FOCAD: variants seen among roughly 807,000 people sequenced by gnomAD.
FOCAD encodes KIAA1797.
Under a neutral mutation model 225.6 loss-of-function variants are expected in FOCAD, and 198 were observed. The observed-to-expected ratio is 0.88, with a 90% CI of 0.78 to 0.99. FOCAD has a LOEUF of 0.99. Among genes scored for constraint, FOCAD ranks in the 50% least tolerant of loss-of-function variants. The pLI is 0.00. For missense variants in FOCAD, 2,713 were observed against 2,123.6 expected (o/e 1.28, Z -5.46); for synonymous variants, 897 against 755.0 (o/e 1.19, Z -3.08).
intron 5 of FOCAD, among the ~76,000 whole-genome samples, chr9:20,742,967 A>G (rs1465914397): frequency 6.6e-6 from 1 of 152,168 alleles, no homozygotes; most frequent in African/African-American, 2.4e-5. Flanking sequence ...GCCGTTTAGC[A>G]CTATAAATCA....
intron 36 of FOCAD, among the ~76,000 whole-genome samples, chr9:20,977,859 T>C (rs1173569278): frequency 6.6e-6 from 1 of 152,222 alleles, no homozygotes; most frequent in African/African-American, 2.4e-5. Context: ...TGTTTGTGTT[T>C]CATTTAAGTC....
Position 20,764,854 on chromosome 9 carries a change from T to C in FOCAD, c.495-15T>C. ...TTTAACTCAATAACTGGCTAATGTA[T>C]TTCATGTCTTATAGGTTAGAAGTTT... On this transcript the variant is annotated splice_polypyrimidine_tract_variant and intron_variant, in intron 6 of 43. Coordinates refer to ENST00000338382, the MANE Select transcript of FOCAD (RefSeq NM_001375567.1). 6.2e-7 allele frequency: 1 copy of C among 1,606,610 alleles called. No individual in the cohort carries two copies.
intron 26 of FOCAD, among the ~76,000 whole-genome samples, chr9:20,927,037 T>A (rs371395733): frequency 7.1e-6 from 1 of 141,558 alleles, no homozygotes; most frequent in Admixed American, 7.1e-5. Context: ...TATATATATA[T>A]AAAAGAAATA....
chr9:20,695,462 A>G (rs1456830428), intron 1 of FOCAD, among the ~76,000 whole-genome samples: 1 of 152,194 alleles, frequency 6.6e-6, no homozygotes, highest in Non-Finnish European at 1.5e-5. Context: ...TAAGCCCGTA[A>G]ACATGCTTTC....
intron 21 of FOCAD, among the ~76,000 whole-genome samples, chr9:20,890,461 G>A (rs143128334): frequency 2.3e-4 from 34 of 149,612 alleles, no homozygotes; most frequent in African/African-American, 7.4e-4. Context: ...TTTAAAATTT[G>A]TTGATATGAT....
chr9:20,765,304 C>T, intron 7 of FOCAD, among the ~76,000 whole-genome samples: 1 of 152,098 alleles, frequency 6.6e-6, no homozygotes, highest in East Asian at 1.9e-4. Flanking sequence ...TCGACATAGT[C>T]CATTCTGGGA....
intron 4 of FOCAD, among the ~76,000 whole-genome samples, chr9:20,720,946 T>C (rs1481179466): frequency 6.6e-6 from 1 of 152,252 alleles, no homozygotes; most frequent in Admixed American, 6.5e-5. Context: ...TAGAAAATAA[T>C]GGCATTTATT....
At chr9:20,947,812 C>T (rs573082833) in intron 30 of FOCAD, among the ~76,000 whole-genome samples, 14 of 152,018 alleles carry the variant, frequency 9.2e-5, no homozygotes, top group African/African-American at 2.7e-4. Context: ...GTAATGTTAT[C>T]GTTACTGTTT....
At chr9:20,770,995 A>G (rs1818164480) in intron 8 of FOCAD, among the ~76,000 whole-genome samples, 3 of 152,188 alleles carry the variant, frequency 2.0e-5, no homozygotes, top group African/African-American at 7.2e-5. Context: ...ATTATAGTAC[A>G]ATAAGAGAAA....
At chr9:20,717,021 A>G (rs12683110) in intron 2 of FOCAD, among the ~76,000 whole-genome samples, 48,907 of 152,080 alleles carry the variant, frequency 0.32, 8,367 homozygotes, top group South Asian at 0.48. Flanking sequence ...CAGGAGCTCA[A>G]CCTATCCATG....
chr9:20,740,273 C>A lies in FOCAD; in HGVS notation c.325C>A (p.Leu109Ile), dbSNP rs142542466. 1,718 of 1,611,708 alleles carry A rather than the reference C, an allele frequency of 1.1e-3. 3 individuals carry two copies. Among genetic ancestry groups the A allele is most frequent in the Non-Finnish European group, 1.4e-3 (1,646 of 1,178,432 alleles). ...CTTGATAAAAGCCATTATGCACTTA[C>A]TACAAATGCAAGCTCTTAAGGAAGG... ...HGLIKAIMHL[L>I]QMQALKEGQG... Residue 109 changes from leucine to isoleucine, a missense_variant, in exon 5 of 44, where the codon CTA becomes ATA. Coordinates refer to ENST00000338382, the MANE Select transcript of FOCAD (RefSeq NM_001375567.1).
chr9:20,936,839 A>G (rs938129855), intron 28 of FOCAD, among the ~76,000 whole-genome samples: 2 of 152,210 alleles, frequency 1.3e-5, no homozygotes, highest in African/African-American at 4.8e-5. Context: ...CCATCGTGTC[A>G]GCCCAAAATC....
intron 15 of FOCAD, among the ~76,000 whole-genome samples, chr9:20,840,857 C>T (rs910427183): frequency 2.6e-5 from 4 of 151,882 alleles, no homozygotes; most frequent in Non-Finnish European, 5.9e-5. Flanking sequence ...AGCTGTGGGT[C>T]TGTCTTACGT....
rs1358945273 is a variant in FOCAD, at chr9:20,981,420, T to C, written c.4378-6T>C. 1 of 1,613,542 alleles carries C rather than the reference T, an allele frequency of 6.2e-7. No homozygotes were observed. Among genetic ancestry groups the C allele is most frequent in the Non-Finnish European group, 8.5e-7 (1 of 1,179,522 alleles). ...TTACATTCAACCCCTTCTGTTTTAC[T>C]TCCAGCTGAATACCAAGAGATATCT... On this transcript the variant is annotated splice_region_variant and splice_polypyrimidine_tract_variant and intron_variant, in intron 37 of 43. Transcript: ENST00000338382.
chr9:20,864,173 G>T (rs1460874657), intron 16 of FOCAD, among the ~76,000 whole-genome samples: 2 of 152,006 alleles, frequency 1.3e-5, no homozygotes, highest in Non-Finnish European at 2.9e-5. Flanking sequence ...TAGATAATTG[G>T]TTTTTTAACT....
rs564933177 is a variant in FOCAD, at chr9:20,724,515, A to G, written c.287+3981A>G. ...ATTGTCTAAATTGTCATCCACAGGG[A>G]GATATAGACAGAATAGATGCTGAAG... On this transcript the variant is annotated intron_variant, in intron 4 of 43. Coordinates refer to ENST00000338382, the MANE Select transcript of FOCAD (RefSeq NM_001375567.1). 7.2e-5 allele frequency among the ~76,000 whole-genome samples: 11 copies of G among 152,318 alleles called. No individual in the cohort carries two copies. The South Asian group carries it at 2.1e-3, about 29-fold the overall frequency.
chr9:20,776,110 C>T (rs118178650), intron 8 of FOCAD, among the ~76,000 whole-genome samples: 1,939 of 152,250 alleles, frequency 0.013, 14 homozygotes, highest in Non-Finnish European at 0.02. Flanking sequence ...CAGGCATCAT[C>T]AAGTAGGCTA....
chr9:20,970,967 G>GTT (rs1839711076), intron 35 of FOCAD, among the ~76,000 whole-genome samples: 1 of 152,152 alleles, frequency 6.6e-6, no homozygotes, highest in Non-Finnish European at 1.5e-5. Flanking sequence ...TTTGGATATT[G>GTT]TAACAGGGTA....
intron 14 of FOCAD, among the ~76,000 whole-genome samples, chr9:20,822,700 C>T (rs908787883): frequency 4.6e-5 from 7 of 151,928 alleles, no homozygotes; most frequent in African/African-American, 1.7e-4. Flanking sequence ...TTATTACAGC[C>T]TTGAGTTTTT....
Sources: gnomAD v4.1 joint callset for allele counts (sites outside exome capture counted in the v4.1 genomes callset) on GRCh38, gnomAD v4.1.1 for gene constraint, MANE v1.5 for transcripts, NCBI Gene and HGNC (gene_info 2026-07-23, HGNC 2026-07-21) for gene names.